VIRMA: variants seen among roughly 807,000 people sequenced by gnomAD.
VIRMA encodes the protein vir like m6A methyltransferase associated, also known as protein virilizer homolog.
A neutral mutation model predicts 182.4 loss-of-function variants in VIRMA; 65 were observed. The observed-to-expected ratio is 0.36, with a 90% CI of 0.29 to 0.44. The LOEUF is 0.44. VIRMA is among the 20% of genes least tolerant of loss of function. The pLI, the probability that VIRMA is intolerant of heterozygous loss-of-function variation, is 1.00. For missense variants in VIRMA, 1,752 were observed against 2,158.1 expected (o/e 0.81, Z 3.73); for synonymous variants, 709 against 743.1 (o/e 0.95, Z 0.75).
At chr8:94,538,207 G>T in intron 3 of VIRMA, 53 bp downstream of exon 3, 1 of 1,092,010 alleles carries the variant, frequency 9.2e-7, no homozygotes, top group Non-Finnish European at 1.4e-6. Flanking sequence ...CAATCAAAAG[G>T]TGTTGCTTAC....
intron 10 of VIRMA, among the ~76,000 whole-genome samples, chr8:94,517,160 T>C (rs888021586): frequency 2.0e-5 from 3 of 152,210 alleles, no homozygotes; most frequent in Non-Finnish European, 4.4e-5. Context: ...TAGAAATACA[T>C]ACACAGCAAA....
At position 94,527,150 on chromosome 8, in the gene VIRMA, C is replaced by T; in HGVS notation, c.1094G>A (p.Arg365Lys). The change falls in exon 8 of 24, where the codon AGA becomes AAA. Residue 365 changes from arginine to lysine, a missense_variant. Physicochemically the swap from Arg to Lys is conservative, Grantham distance 26. Transcript: ENST00000297591. Reference protein sequence around the residue: ...YKTTFEIEISRMKDQGPDKEN... With the variant: ...YKTTFEIEISKMKDQGPDKEN... ...TTTATCTGGACCTTGATCCTTCATT[C>T]TACTGATTTCAATTTCAAAAGTAGT... 1 of 1,614,092 alleles carries T rather than the reference C, an allele frequency of 6.2e-7. No individual in the cohort carries two copies. The highest frequency in any genetic ancestry group is 1.1e-5 in the South Asian group (1 of 91,068).
At position 94,510,286 on chromosome 8, in the gene VIRMA, G is replaced by A. The variant is rs1814317561; in HGVS notation, c.3626+131C>T. 6.0e-5 allele frequency: 39 copies of A among 649,096 alleles called. No homozygotes were observed. In the South Asian group the frequency reaches 7.6e-4, roughly 13 times the overall value. The allele number at this position is 649,096 out of a possible 1,614,324, so 40.2% of individuals were successfully genotyped here. Reference sequence around the variant, plus strand: ...ATATATTCATATGTGTGCATATGTAGGTATATGTGTATATTTACATGTATA... The same window carrying A: ...ATATATTCATATGTGTGCATATGTAAGTATATGTGTATATTTACATGTATA... On this transcript the variant is annotated intron_variant, in intron 14 of 23. Transcript: ENST00000297591.
intron 1 of VIRMA, among the ~76,000 whole-genome samples, chr8:94,550,111 A>C (rs534656147): frequency 6.6e-6 from 1 of 151,912 alleles, no homozygotes; most frequent in Non-Finnish European, 1.5e-5. Flanking sequence ...AAAAAAAAAA[A>C]AACTGATGGA....
intron 23 of VIRMA, 44 bp from the exon 24 acceptor site, chr8:94,488,904 T>C (rs948377129): frequency 3.8e-6 from 6 of 1,587,864 alleles, no homozygotes; most frequent in Non-Finnish European, 5.2e-6. Flanking sequence ...TGTCCTTTCT[T>C]TTCCAAGATT....
intron 11 of VIRMA, among the ~76,000 whole-genome samples, chr8:94,513,279 G>C (rs1421378697): frequency 6.6e-6 from 1 of 152,164 alleles, no homozygotes; most frequent in Non-Finnish European, 1.5e-5. Flanking sequence ...GGAAGTTGCA[G>C]TGAGCTGAGA....
chr8:94,552,224 C>G (rs1215361515), intron 1 of VIRMA, among the ~76,000 whole-genome samples: 1 of 152,230 alleles, frequency 6.6e-6, no homozygotes, highest in Non-Finnish European at 1.5e-5. Context: ...CAACTTTTGA[C>G]TTTTACAAAC....
rs897322767 is a variant in VIRMA at position 94,506,562 on chromosome 8, C to G, written c.4035G>C (p.Leu1345=). 6.2e-7 allele frequency: 1 copy of G among 1,613,568 alleles called. No individual in the cohort carries two copies. The highest frequency in any genetic ancestry group is 1.3e-5 in the African/African-American group (1 of 74,900). Residue 1345 remains leucine, a synonymous_variant, in exon 16 of 24, where the codon CTG becomes CTC. Transcript: ENST00000297591. ...GAAACATCATTGTTCTGACACATGTCAGTAAACAGTTGTAACTGCTCTCAG... is the reference window on the plus strand; with the variant it reads ...GAAACATCATTGTTCTGACACATGTGAGTAAACAGTTGTAACTGCTCTCAG... ...ANSESSYNCL[L]TCVRTMMFLA...
Position 94,490,082 on chromosome 8 carries a change from C to A in VIRMA, c.5141G>T (p.Gly1714Val), listed in dbSNP as rs1471372189. Residue 1714 changes from glycine (G) to valine (V), a missense_variant and splice_region_variant, in exon 23 of 24, where the codon GGA becomes GTA. Coordinates refer to ENST00000297591, the MANE Select transcript of VIRMA (RefSeq NM_015496.5). Reference protein sequence around the residue: ...NRFFTPPASKGNYSRREGTRG... With the variant: ...NRFFTPPASKVNYSRREGTRG... ...TGTTCCTTCCCGACGACTGTAGTTT[C>A]CTAAACACAAACAGCACAATCAAAA... 1 of 1,606,250 alleles carries A rather than the reference C, an allele frequency of 6.2e-7. No individual in the cohort carries two copies. Among genetic ancestry groups the A allele is most frequent in the African/African-American group, 1.3e-5 (1 of 74,460 alleles).
chr8:94,523,680 G>C (rs973185690), intron 8 of VIRMA, among the ~76,000 whole-genome samples: 2 of 152,120 alleles, frequency 1.3e-5, no homozygotes, highest in African/African-American at 4.8e-5. Context: ...CCAGGCAGGA[G>C]TGCAGTGGCA....
At chr8:94,535,187 C>A (rs997029786) in intron 4 of VIRMA, among the ~76,000 whole-genome samples, 180 bp from the exon 5 acceptor site, 1 of 152,150 alleles carries the variant, frequency 6.6e-6, no homozygotes, top group Non-Finnish European at 1.5e-5. Context: ...TCCAGAGCTA[C>A]CATAACTACA....
At chr8:94,518,947 A>T in intron 9 of VIRMA, 38 bp downstream of exon 9, 1 of 1,521,380 alleles carries the variant, frequency 6.6e-7, no homozygotes, top group Middle Eastern at 1.7e-4. Context: ...CTGATTTTCT[A>T]ACATCATAGA....
chr8:94,523,753 C>T (rs1218103964), intron 8 of VIRMA, among the ~76,000 whole-genome samples: 4 of 151,728 alleles, frequency 2.6e-5, no homozygotes, highest in South Asian at 2.1e-4. Context: ...CTCAGCCTCC[C>T]GAGTTAGCTG....
At chr8:94,509,358 C>T (rs1453005016) in intron 15 of VIRMA, among the ~76,000 whole-genome samples, 4 of 150,946 alleles carry the variant, frequency 2.6e-5, no homozygotes, top group Non-Finnish European at 4.4e-5. Flanking sequence ...GCTGAGATCA[C>T]GCCATTGCAC....
chr8:94,537,059 G>C (rs749795558), intron 4 of VIRMA, 44 bp downstream of exon 4: 45 of 1,275,348 alleles, frequency 3.5e-5, no homozygotes, highest in Non-Finnish European at 1.7e-5. Context: ...ATGGAGTTGA[G>C]AGCAAATAGT....
At chr8:94,510,030 A>G in intron 14 of VIRMA, 90 bp from the exon 15 acceptor site, 1 of 1,204,956 alleles carries the variant, frequency 8.3e-7, no homozygotes. Flanking sequence ...ACATCAACTT[A>G]CACAAATTTT....
At chr8:94,541,889 C>G (rs1412929429) in intron 2 of VIRMA, among the ~76,000 whole-genome samples, 2 of 152,166 alleles carry the variant, frequency 1.3e-5, no homozygotes, top group South Asian at 2.1e-4. Flanking sequence ...TTTTACTGTT[C>G]TGTAGCATAC....
At chr8:94,510,903 T>C in intron 13 of VIRMA, 3 of 1,112,522 alleles carry the variant, frequency 2.7e-6, no homozygotes, top group Non-Finnish European at 3.7e-6. Context: ...TTCTAACACA[T>C]GGTAAGGTGT....
Position 94,540,514 on chromosome 8 carries a change from G to A in VIRMA, c.180-2168C>T, listed in dbSNP as rs530031264. Among the ~76,000 whole-genome samples the A allele has an allele frequency of 1.2e-4, 17 of 146,952 alleles. No individual in the cohort carries two copies. In the South Asian group the frequency reaches 3.6e-3, roughly 31 times the overall value. ...AGTCTTGCTCTTGTCGCCCAGGCTGGAGTGCAGTGGTACGATCTCAGCTCA... is the reference window on the plus strand; with the variant it reads ...AGTCTTGCTCTTGTCGCCCAGGCTGAAGTGCAGTGGTACGATCTCAGCTCA... On this transcript the variant is annotated intron_variant, in intron 2 of 23. Coordinates refer to ENST00000297591, the MANE Select transcript of VIRMA (RefSeq NM_015496.5).
Sources: gnomAD v4.1 joint callset for allele counts (sites outside exome capture counted in the v4.1 genomes callset) on GRCh38, gnomAD v4.1.1 for gene constraint, MANE v1.5 for transcripts, NCBI Gene and HGNC (gene_info 2026-07-23, HGNC 2026-07-21) for gene names.